Variants in PRICKLE1 observed in about 807,000 individuals in gnomAD.
PRICKLE1 encodes prickle planar cell polarity protein 1, also known as prickle-like protein 1.
In PRICKLE1, 14 loss-of-function variants were observed where a neutral mutation model predicts 70.2. The ratio of observed to expected loss-of-function variants is 0.20; its 90% CI spans 0.13 to 0.31. The LOEUF (loss-of-function observed/expected upper bound fraction) is 0.31, where lower values mean the gene tolerates loss of function less well. PRICKLE1 is among the 10% of genes least tolerant of loss of function. The probability of loss-of-function intolerance (pLI) is 1.00; values close to 1 mark genes in which losing one functional copy is unlikely to be tolerated. For synonymous variants in PRICKLE1, 357 were observed against 379.9 expected (o/e 0.94, Z 0.70); for missense variants, 821 against 1,026.2 (o/e 0.80, Z 2.73).
chr12:42,509,233 C>T (rs762322737), intron 1 of PRICKLE1, among the ~76,000 whole-genome samples: 2 of 152,210 alleles, frequency 1.3e-5, no homozygotes, highest in Non-Finnish European at 1.5e-5. Context: ...CCTAAATTCT[C>T]GATCTCATCT....
At chr12:42,493,923 T>G (rs1177404170) in intron 1 of PRICKLE1, among the ~76,000 whole-genome samples, 1 of 152,014 alleles carries the variant, frequency 6.6e-6, no homozygotes, top group African/African-American at 2.4e-5. Flanking sequence ...AAATTAACTA[T>G]TGACTCTGTA....
chr12:42,471,491 C>T (rs1273953759), intron 2 of PRICKLE1, among the ~76,000 whole-genome samples: 1 of 152,170 alleles, frequency 6.6e-6, no homozygotes, highest in Non-Finnish European at 1.5e-5. Context: ...ACTGCTTCAC[C>T]AGCACTCCAC....
chr12:42,584,561 A>T (rs1311384134), intron 1 of PRICKLE1: 1 of 152,176 alleles, frequency 6.6e-6, no homozygotes, highest in African/African-American at 2.4e-5. Flanking sequence ...AAAGGCAACA[A>T]AAATGGGGGG....
At chr12:42,500,664 C>CTTTTTTT (rs11448078) in intron 1 of PRICKLE1, among the ~76,000 whole-genome samples, 14 of 142,846 alleles carry the variant, frequency 9.8e-5, no homozygotes, top group African/African-American at 3.4e-4. Flanking sequence ...CATTAATTTT[C>CTTTTTTT]TTTTTTTTTT....
At chr12:42,474,201 G>T (rs1938433734) in intron 1 of PRICKLE1, among the ~76,000 whole-genome samples, 1 of 152,202 alleles carries the variant, frequency 6.6e-6, no homozygotes, top group Non-Finnish European at 1.5e-5. Flanking sequence ...GAAACCGGGA[G>T]GCGGAGGTTG....
chr12:42,574,436 A>G (rs1310657036), intron 1 of PRICKLE1, among the ~76,000 whole-genome samples: 4 of 152,248 alleles, frequency 2.6e-5, no homozygotes, highest in Admixed American at 2.6e-4. Context: ...CTTTCCATCA[A>G]CAAAGCAAAT....
chr12:42,464,656 G>T lies in PRICKLE1; in HGVS notation c.1378C>A (p.Gln460Lys). 6.2e-7 allele frequency: 1 copy of T among 1,613,924 alleles called. No individual in the cohort carries two copies. Among genetic ancestry groups the T allele is most frequent in the Admixed American group, 1.7e-5 (1 of 59,992 alleles). ...KSKTELKQNN[Q>K]SLASKKYQSD... ...TGGTATTTTTTACTTGCAAGGCTCT[G>T]GTTATTTTGCTTTAACTCGGTCTTA... The change falls in exon 7 of 8, where the codon CAG (glutamine) becomes AAG (lysine). Residue 460 changes from glutamine to lysine, a missense_variant. Coordinates refer to ENST00000345127, the MANE Select transcript of PRICKLE1 (RefSeq NM_153026.3). This position sits in a 1 kb window ranked among gnomAD's most constrained non-coding sequence, Gnocchi z 4.2.
rs1210036883 is a variant in PRICKLE1 at position 42,529,872 on chromosome 12, CAG to C, written c.-48-57310_-48-57309del. On this transcript the variant is annotated intron_variant, in intron 1 of 7. Transcript: ENST00000345127. ...ACTCACTATATTCCAGCCTGGACAACAGAGTGAGACCTTATCAAAAAAAAAGG... is the reference window on the plus strand; with the variant it reads ...ACTCACTATATTCCAGCCTGGACAACAGTGAGACCTTATCAAAAAAAAAGG... 3.3e-5 allele frequency among the ~76,000 whole-genome samples: 5 copies of C among 151,944 alleles called. No homozygotes were observed. The East Asian group carries it at 7.7e-4, about 23-fold the overall frequency.
chr12:42,463,383 G>C (rs1310882449), intron 7 of PRICKLE1, among the ~76,000 whole-genome samples: 1 of 151,788 alleles, frequency 6.6e-6, no homozygotes, highest in Non-Finnish European at 1.5e-5. Flanking sequence ...AGCTGTTTTT[G>C]AGCTACTGTC....
chr12:42,569,363 T>C (rs544101287), intron 1 of PRICKLE1, among the ~76,000 whole-genome samples: 1 of 152,238 alleles, frequency 6.6e-6, no homozygotes, highest in Non-Finnish European at 1.5e-5. Flanking sequence ...CAAGCCTAAA[T>C]TCATTCAGAA....
chr12:42,471,109 G>A (rs1938304570), intron 2 of PRICKLE1, among the ~76,000 whole-genome samples: 1 of 152,146 alleles, frequency 6.6e-6, no homozygotes, highest in Non-Finnish European at 1.5e-5. Flanking sequence ...TTTGCTAAAT[G>A]TTGTAAACTC....
chr12:42,464,345 T>G lies in PRICKLE1; in HGVS notation c.1639+50A>C, dbSNP rs781314588. 2 of 1,612,760 alleles carry G rather than the reference T, an allele frequency of 1.2e-6. No homozygotes were observed. Among genetic ancestry groups the G allele is most frequent in the Admixed American group, 3.3e-5 (2 of 60,020 alleles). On this transcript the variant is annotated intron_variant, in intron 7 of 7. Transcript: ENST00000345127. The surrounding 1 kb of genome is among the most constrained non-coding windows in gnomAD (Gnocchi z 4.2). ...TTGAATTGCAATTTTTTGAATACAC[T>G]TTTTAGTAGCTCCTTTTTTCAAATA...
In PRICKLE1 at chr12:42,464,519, C is replaced by T. The variant is rs1386762639; in HGVS notation, c.1515G>A (p.Gly505=). The change falls in exon 7 of 8, where the codon GGG becomes GGA. Residue 505 remains glycine, a synonymous_variant. Transcript: ENST00000345127. This position sits in a 1 kb window ranked among gnomAD's most constrained non-coding sequence, Gnocchi z 4.2. ...TTTCATCATGATTATACCCTGAAGC[C>T]CCATGGTCCAGTTCCAATTCCTGAA... ...RRLQELELDH[G]ASGYNHDETQ... The T allele has an allele frequency of 6.2e-7, 1 of 1,613,944 alleles. No individual in the cohort carries two copies. Among genetic ancestry groups the T allele is most frequent in the East Asian group, 2.2e-5 (1 of 44,840 alleles).
chr12:42,525,276 C>A (rs890799054), intron 1 of PRICKLE1, among the ~76,000 whole-genome samples: 5 of 152,220 alleles, frequency 3.3e-5, no homozygotes, highest in African/African-American at 1.2e-4. Flanking sequence ...TTGCCCTGTG[C>A]ATCTCTTCAT....
intron 1 of PRICKLE1, chr12:42,485,238 A>AATTTTTTTT: frequency 8.6e-6 from 1 of 116,218 alleles, no homozygotes; most frequent in African/African-American, 3.2e-5. Flanking sequence ...GCAGCTGAGA[A>AATTTTTTTT]GTTTTTTTTT....
intron 1 of PRICKLE1, among the ~76,000 whole-genome samples, chr12:42,497,583 A>G (rs2708047): frequency 0.12 from 18,421 of 150,718 alleles, 1,495 homozygotes; most frequent in African/African-American, 0.21. Flanking sequence ...TAAATTTGCC[A>G]TCTTATATGG....
At chr12:42,555,878 T>C (rs145952146) in intron 1 of PRICKLE1, among the ~76,000 whole-genome samples, 2 of 152,280 alleles carry the variant, frequency 1.3e-5, no homozygotes, top group East Asian at 1.9e-4. Context: ...CAAGTGCATA[T>C]AAACCTTCTA....
intron 1 of PRICKLE1, among the ~76,000 whole-genome samples, chr12:42,557,418 A>G (rs1280875569): frequency 1.3e-5 from 2 of 152,182 alleles, no homozygotes; most frequent in African/African-American, 4.8e-5. Flanking sequence ...CATTCTAAAT[A>G]ACTTGCCAGC....
At chr12:42,484,072 T>A in intron 1 of PRICKLE1, 1 of 109,756 alleles carries the variant, frequency 9.1e-6, no homozygotes, top group Admixed American at 9.7e-5. Context: ...TTCCTGCCGA[T>A]CCCGCCCTTC....
Sources: gnomAD v4.1 joint callset for allele counts (sites outside exome capture counted in the v4.1 genomes callset) on GRCh38, gnomAD v4.1.1 for gene constraint, Gnocchi (gnomAD v3.1) non-coding constraint, MANE v1.5 for transcripts, NCBI Gene and HGNC (gene_info 2026-07-23, HGNC 2026-07-21) for gene names.